Variants in COL3A1 observed in about 807,000 individuals in gnomAD.
COL3A1 encodes collagen type III alpha 1 chain.
Under a neutral mutation model 200.9 loss-of-function variants are expected in COL3A1, and 46 were observed. That is an observed-to-expected ratio of 0.23 (90% CI 0.18 to 0.29). The LOEUF (loss-of-function observed/expected upper bound fraction) is 0.29, where lower values mean the gene tolerates loss of function less well. COL3A1 is among the 10% of genes least tolerant of loss of function. The pLI, the probability that COL3A1 is intolerant of heterozygous loss-of-function variation, is 1.00. For missense variants in COL3A1, 1,367 were observed against 1,917.6 expected (o/e 0.71, Z 5.36); for synonymous variants, 650 against 628.0 (o/e 1.03, Z -0.52).
In COL3A1 at chr2:188,994,195, T is replaced by C. The variant is rs1410809431; in HGVS notation, c.1195-39T>C. 3 of 1,612,052 alleles carry C rather than the reference T, an allele frequency of 1.9e-6. No individual in the cohort carries two copies. The highest frequency in any genetic ancestry group is 1.3e-5 in the African/African-American group (1 of 74,892). ...AAGTGAGATATTCATAAAAGAACAT[T>C]CAAGTTCGGCTAATATAGTGTCTTT... is the stretch of plus-strand genomic sequence containing the variant. On this transcript the variant is annotated intron_variant, in intron 17 of 50. Transcript: ENST00000304636. The surrounding 1 kb of genome is among the most constrained non-coding windows in gnomAD (Gnocchi z 4.5).
In COL3A1 at chr2:188,999,799, T is replaced by G. The variant is rs1177900780; in HGVS notation, c.2230-43T>G. On this transcript the variant is annotated intron_variant, in intron 31 of 50. Coordinates refer to ENST00000304636, the MANE Select transcript of COL3A1 (RefSeq NM_000090.4). ...ACTCCTCTTCTTGGCTGATTTTCAC[T>G]GAAGATACTTTGAATCTGATGACAT... The G allele has an allele frequency of 3.8e-6, 6 of 1,572,682 alleles. No individual in the cohort carries two copies. The African/African-American group carries it at 5.4e-5, about 14-fold the overall frequency.
intron 43 of COL3A1, 47 bp downstream of exon 43, chr2:189,006,499 A>G (rs1206809817): frequency 1.9e-6 from 3 of 1,570,174 alleles, no homozygotes; most frequent in African/African-American, 2.7e-5. Context: ...ATTTCCTTCA[A>G]TAAAGACATT....
intron 40 of COL3A1, among the ~76,000 whole-genome samples, chr2:189,004,744 GTCATCTTGCAC>G (rs2153503578): frequency 6.6e-6 from 1 of 152,164 alleles, no homozygotes; most frequent in South Asian, 2.1e-4. Flanking sequence ...ATCCATTCAA[GTCATCTTGCAC>G]TCCTGACTCT....
chr2:189,012,592 T>C lies in COL3A1; in HGVS notation c.*818T>C, dbSNP rs886055344. On this transcript the variant is annotated 3_prime_UTR_variant, in exon 51 of 51. Transcript: ENST00000304636. The stretch of plus-strand genomic sequence containing the variant: ...TGCCACAGGGGATTCTCCTCCTTCA[T>C]CCTGTAAAGGTCAACAATAAAAACC... 1.3e-5 allele frequency: 2 copies of C among 152,536 alleles called. No individual in the cohort carries two copies. The highest frequency in any genetic ancestry group is 2.9e-5 in the Non-Finnish European group (2 of 68,004). 9.4% of individuals were successfully genotyped at this position (152,536 alleles called of 1,614,324 possible). A position where few individuals can be genotyped will look rare whatever the true frequency, so the allele number is the denominator to read the frequency against.
In COL3A1 at chr2:188,994,810, T is replaced by A; in HGVS notation, c.1434T>A (p.Leu478=). Residue 478 remains leucine (L), a synonymous_variant, in exon 20 of 51, where the codon CTT becomes CTA. Coordinates refer to ENST00000304636, the MANE Select transcript of COL3A1 (RefSeq NM_000090.4). The surrounding 1 kb of genome is among the most constrained non-coding windows in gnomAD (Gnocchi z 4.5). ...GSPGEPGANG[L]PGAAGERGAP... The stretch of plus-strand genomic sequence containing the variant: ...CTGGAGAACCTGGTGCAAATGGGCT[T>A]CCAGGAGCTGCAGGAGAAAGGGTAC... 1 of 1,613,702 alleles carries A rather than the reference T, an allele frequency of 6.2e-7. No individual in the cohort carries two copies. Among genetic ancestry groups the A allele is most frequent in the Non-Finnish European group, 8.5e-7 (1 of 1,179,962 alleles).
intron 1 of COL3A1, among the ~76,000 whole-genome samples, chr2:188,977,631 T>C (rs1283815439): frequency 6.6e-6 from 1 of 152,046 alleles, no homozygotes. Flanking sequence ...GTGCTTTATT[T>C]GAGATTACAA....
intron 40 of COL3A1, 35 bp from the exon 41 acceptor site, chr2:189,005,315 T>C (rs933613001): frequency 6.4e-7 from 1 of 1,566,032 alleles, no homozygotes; most frequent in Non-Finnish European, 8.8e-7. Context: ...ATTTCTTAAG[T>C]TGAAACAAAA....
intron 1 of COL3A1, among the ~76,000 whole-genome samples, chr2:188,975,946 C>G (rs1452796538): frequency 2.0e-5 from 3 of 151,842 alleles, no homozygotes; most frequent in Non-Finnish European, 4.4e-5. Context: ...GCCTGTTACT[C>G]CCTCCCTACT....
At chr2:189,006,881 T>A in intron 43 of COL3A1, 56 bp from the exon 44 acceptor site, 4 of 1,554,816 alleles carry the variant, frequency 2.6e-6, no homozygotes, top group Non-Finnish European at 3.5e-6. Context: ...CGAAATTGTG[T>A]CAACACATAA....
chr2:188,984,771 G>A lies in COL3A1; in HGVS notation c.91G>A (p.Gly31Arg). ...AACTTGTTTTTCAGCTGTTGAAGGAGGATGTTCCCATCTTGGTCAGTCCTA... is the reference window on the plus strand; with the variant it reads ...AACTTGTTTTTCAGCTGTTGAAGGAAGATGTTCCCATCTTGGTCAGTCCTA... ...ILAQQEAVEG[G>R]CSHLGQSYAD... is the part of the protein sequence containing the mutation. The change falls in exon 2 of 51, where the codon GGA (glycine) becomes AGA (arginine). Residue 31 changes from glycine (G) to arginine (R), a missense_variant. By Grantham distance (125) the Gly-to-Arg change is moderately radical (BLOSUM62 -2). Transcript: ENST00000304636. 6.2e-7 allele frequency: 1 copy of A among 1,613,004 alleles called. No homozygotes were observed. Among genetic ancestry groups the A allele is most frequent in the Admixed American group, 1.7e-5 (1 of 59,904 alleles).
chr2:188,999,809 TTGAATC>T, intron 31 of COL3A1, 27 bp from the exon 32 acceptor site: 5 of 1,581,636 alleles, frequency 3.2e-6, no homozygotes, highest in Non-Finnish European at 4.3e-6. Context: ...TGAAGATACT[TTGAATC>T]TGATGACATT....
Position 188,992,185 on chromosome 2 carries a change from G to T in COL3A1, c.953G>T (p.Gly318Val), listed in dbSNP as rs1553507614. The T allele has an allele frequency of 6.2e-7, 1 of 1,613,862 alleles. No individual in the cohort carries two copies. Among genetic ancestry groups the T allele is most frequent in the South Asian group, 1.1e-5 (1 of 91,082 alleles). ...TTTGATGTAAACTTCTCTTTTTAGGGTGCTCGGGGTAATGACGGTGCTCGA... is the reference window on the plus strand; with the variant it reads ...TTTGATGTAAACTTCTCTTTTTAGGTTGCTCGGGGTAATGACGGTGCTCGA... Reference protein sequence around the residue: ...RGRPGLPGAAGARGNDGARGS... With the variant: ...RGRPGLPGAAVARGNDGARGS... Residue 318 changes from glycine to valine, a missense_variant and splice_region_variant, in exon 14 of 51, where the codon GGT (glycine) becomes GTT (valine). Around this residue, in one of 5 missense-constraint regions of COL3A1, gnomAD observed 462 missense variants for 681.4 expected, o/e 0.68. Coordinates refer to ENST00000304636, the MANE Select transcript of COL3A1 (RefSeq NM_000090.4).
rs1461198652 is a variant in COL3A1 at position 188,974,502 on chromosome 2, G to A, written c.13G>A (p.Val5Met). Reference protein sequence around the residue: MMSFVQKGSWLLLAL... With the variant: MMSFMQKGSWLLLAL... ...CTGATATTTAGACATGATGAGCTTT[G>A]TGCAAAAGGGGAGCTGGCTACTTCT... Residue 5 changes from valine (V) to methionine (M), a missense_variant, in exon 1 of 51, where the codon GTG (valine) becomes ATG (methionine). Around this residue, in one of 5 missense-constraint regions of COL3A1, gnomAD observed 55 missense variants for 51.5 expected, o/e 1.07. Coordinates refer to ENST00000304636, the MANE Select transcript of COL3A1 (RefSeq NM_000090.4). 4.3e-6 allele frequency: 7 copies of A among 1,613,826 alleles called. No individual in the cohort carries two copies. The highest frequency in any genetic ancestry group is 5.9e-6 in the Non-Finnish European group (7 of 1,179,906).
At position 188,997,377 on chromosome 2, in the gene COL3A1, C is replaced by G. The variant is rs769323072; in HGVS notation, c.1857C>G (p.Pro619=). ...GKNGETGPQG[P]PGPTGPGGDK... Reference sequence around the variant, plus strand: ...ATGGTGAAACTGGACCTCAGGGACCCCCAGGGCCTACTGTAAGTTCACTCA... The same window carrying G: ...ATGGTGAAACTGGACCTCAGGGACCGCCAGGGCCTACTGTAAGTTCACTCA... Residue 619 remains proline (P), a synonymous_variant, in exon 26 of 51, where the codon CCC becomes CCG. Transcript: ENST00000304636. The G allele has an allele frequency of 3.1e-6, 5 of 1,613,700 alleles. No homozygotes were observed. The South Asian group carries it at 5.5e-5, about 18-fold the overall frequency.
rs1443558947 is a variant in COL3A1 at position 188,998,682 on chromosome 2, G to A, written c.1986G>A (p.Lys662=). ...ENGKPGEPGP[K]GDAGAPGAPG... ...TAATGCCAATCTCCCAGGGTCCAAA[G>A]GGTGATGCCGGTGCACCTGGAGCTC... The change falls in exon 29 of 51, where the codon AAG becomes AAA. Residue 662 remains lysine (K), a synonymous_variant. Coordinates refer to ENST00000304636, the MANE Select transcript of COL3A1 (RefSeq NM_000090.4). 6.2e-7 allele frequency: 1 copy of A among 1,613,908 alleles called. No homozygotes were observed. Among genetic ancestry groups the A allele is most frequent in the East Asian group, 2.2e-5 (1 of 44,836 alleles).
At chr2:188,984,455 TA>T (rs1688021077) in intron 1 of COL3A1, among the ~76,000 whole-genome samples, 1 of 152,176 alleles carries the variant, frequency 6.6e-6, no homozygotes, top group South Asian at 2.1e-4. Context: ...AATAAATGTT[TA>T]AATGCTTGTG....
chr2:189,008,413 C>T lies in COL3A1; in HGVS notation c.3525+271C>T, dbSNP rs1342034896. The stretch of plus-strand genomic sequence containing the variant: ...CAATTAACCAAATAAACCCTGTCCA[C>T]ATTGCTATCCCACTAGAGATCTCAG... On this transcript the variant is annotated intron_variant, in intron 47 of 50. Coordinates refer to ENST00000304636, the MANE Select transcript of COL3A1 (RefSeq NM_000090.4). 6 of 494,248 alleles carry T rather than the reference C, an allele frequency of 1.2e-5. No individual in the cohort carries two copies. In the East Asian group the frequency reaches 2.3e-4, roughly 19 times the overall value. 30.6% of individuals were successfully genotyped at this position (494,248 alleles called of 1,614,324 possible). A position where few individuals can be genotyped will look rare whatever the true frequency, so the allele number is the denominator to read the frequency against.
chr2:189,008,176 T>A lies in COL3A1; in HGVS notation c.3525+34T>A, dbSNP rs748881883. 5 of 1,556,690 alleles carry A rather than the reference T, an allele frequency of 3.2e-6. No individual in the cohort carries two copies. The Admixed American group carries it at 9.0e-5, about 28-fold the overall frequency. Reference sequence around the variant, plus strand: ...TCACTTATACGTATGTGTATTTAATTTGCTACAATCTTCCAATTTTCAGAA... The same window carrying A: ...TCACTTATACGTATGTGTATTTAATATGCTACAATCTTCCAATTTTCAGAA... On this transcript the variant is annotated intron_variant, in intron 47 of 50. Transcript: ENST00000304636.
chr2:188,988,742 T>A, intron 7 of COL3A1, 99 bp downstream of exon 7: 1 of 798,900 alleles, frequency 1.3e-6, no homozygotes, highest in Non-Finnish European at 2.1e-6. Context: ...GAATGAAGAT[T>A]AAATTTACCC....
Sources: gnomAD v4.1 joint callset for allele counts (sites outside exome capture counted in the v4.1 genomes callset) on GRCh38, gnomAD v4.1.1 for gene constraint, gnomAD v4.1.1 regional missense constraint, Gnocchi (gnomAD v3.1) non-coding constraint, MANE v1.5 for transcripts, NCBI Gene and HGNC (gene_info 2026-07-23, HGNC 2026-07-21) for gene names.